Variants in SORBS2 observed in about 807,000 individuals in gnomAD.
SORBS2 encodes the protein sorbin and SH3 domain-containing protein 2.
A neutral mutation model predicts 97.7 loss-of-function variants in SORBS2; 46 were observed. The ratio of observed to expected loss-of-function variants is 0.47; its 90% confidence interval spans 0.37 to 0.60. SORBS2 has a LOEUF of 0.60. SORBS2 is among the 20% of genes least tolerant of loss of function. The pLI, the probability that SORBS2 is intolerant of heterozygous loss-of-function variation, is 0.00. For synonymous variants in SORBS2, 476 were observed against 473.4 expected, an observed-to-expected ratio of 1.01 and a Z score of -0.07; for missense variants, 1,316 against 1,282.3, an observed-to-expected ratio of 1.03 and a Z score of -0.40.
Position 185,919,521 on chromosome 4 carries a change from A to G in SORBS2, c.-338+36675T>C, listed in dbSNP as rs575558065. ...ATTATCTCTTCCCAAGCATTTGATA[A>G]TAATTAAGTGAGGTGATATAAACTG... On this transcript the variant is annotated intron_variant, in intron 1 of 20. Coordinates refer to the SORBS2 transcript ENST00000284776. 291 of 152,336 alleles carry G rather than the reference A, an allele frequency of 1.9e-3. 1 individual carries two copies. Among genetic ancestry groups the G allele is most frequent in the African/African-American group, 6.7e-3 (279 of 41,576 alleles). 9.4% of individuals were successfully genotyped at this position (152,336 alleles called of 1,614,324 possible).
intron 2 of SORBS2, among the ~76,000 whole-genome samples, chr4:185,683,014 C>T (rs1362784642): frequency 1.8e-5 from 2 of 109,452 alleles, no homozygotes; most frequent in African/African-American, 6.8e-5. Context: ...CCACCCGTCT[C>T]AAAAAAAAAA....
intron 2 of SORBS2, among the ~76,000 whole-genome samples, chr4:185,733,023 C>A (rs1003457835): frequency 1.3e-5 from 2 of 152,210 alleles, no homozygotes; most frequent in Non-Finnish European, 2.9e-5. Context: ...GCTGCTGGAG[C>A]CTTCACAGGC....
At chr4:185,753,787 A>G (rs2098814661) in intron 2 of SORBS2, among the ~76,000 whole-genome samples, 2 of 152,190 alleles carry the variant, frequency 1.3e-5, no homozygotes, top group South Asian at 4.1e-4. Flanking sequence ...AATGGATGTG[A>G]GTTTCTAACA....
At chr4:185,594,875 A>G (rs1480643774) in intron 12 of SORBS2, among the ~76,000 whole-genome samples, 1 of 152,202 alleles carries the variant, frequency 6.6e-6, no homozygotes, top group Non-Finnish European at 1.5e-5. Context: ...ACAGGGTAAA[A>G]TCAGAATTTG....
At chr4:185,837,671 A>G (rs2099208898) in intron 1 of SORBS2, among the ~76,000 whole-genome samples, 1 of 152,202 alleles carries the variant, frequency 6.6e-6, no homozygotes, top group Non-Finnish European at 1.5e-5. Context: ...GTCGTTTCAT[A>G]CAAATGTAAC....
At chr4:185,929,861 T>G (rs2099265594) in intron 1 of SORBS2, among the ~76,000 whole-genome samples, 1 of 152,264 alleles carries the variant, frequency 6.6e-6, no homozygotes, top group South Asian at 2.1e-4. Context: ...AGCCTGATTT[T>G]GGGCGTGTGT....
chr4:185,767,374 C>A, intron 2 of SORBS2, among the ~76,000 whole-genome samples: 1 of 140,200 alleles, frequency 7.1e-6, no homozygotes, highest in Non-Finnish European at 1.6e-5. Context: ...GTGGCGGGCG[C>A]CTGTAGTTCC....
chr4:185,690,801 C>T (rs2098078804), intron 2 of SORBS2, among the ~76,000 whole-genome samples, 190 bp from the exon 4 acceptor site: 1 of 152,026 alleles, frequency 6.6e-6, no homozygotes. Context: ...ATTATTGGTC[C>T]CATGCTCATA....
chr4:185,834,236 G>A (rs1261825943), intron 1 of SORBS2, among the ~76,000 whole-genome samples: 1 of 152,056 alleles, frequency 6.6e-6, no homozygotes, highest in Non-Finnish European at 1.5e-5. Flanking sequence ...CACTCATGGT[G>A]GAAGGCAAAG....
In SORBS2 at chr4:185,687,382, C is replaced by A. The variant is rs141133923; in HGVS notation, c.-197-8560G>T. On this transcript the variant is annotated intron_variant, in intron 2 of 20. Transcript: ENST00000284776. ...GAGAGTGGTCATGTACAATCGAATT[C>A]TAAGGTCTGAGAAATTTTTCAGTGT... Among the ~76,000 whole-genome samples, 67 of 152,224 alleles carry A rather than the reference C, an allele frequency of 4.4e-4. 2 individuals carry two copies. Among genetic ancestry groups the A allele is most frequent in the African/African-American group, 1.6e-3 (65 of 41,546 alleles).
chr4:185,800,772 A>C (rs1015287413), intron 1 of SORBS2, among the ~76,000 whole-genome samples: 2 of 152,026 alleles, frequency 1.3e-5, no homozygotes, highest in African/African-American at 4.8e-5. Flanking sequence ...TTTTCTCCCT[A>C]GATGTATTGA....
chr4:185,765,314 T>G (rs2153614391), intron 2 of SORBS2, among the ~76,000 whole-genome samples: 1 of 152,300 alleles, frequency 6.6e-6, no homozygotes, highest in South Asian at 2.1e-4. Flanking sequence ...AATTCTTAAA[T>G]TAATAAGCAC....
chr4:185,764,876 C>T (rs1463392893), intron 2 of SORBS2, among the ~76,000 whole-genome samples: 1 of 152,150 alleles, frequency 6.6e-6, no homozygotes, highest in East Asian at 1.9e-4. Flanking sequence ...GCCTTCCTAC[C>T]TCCAGAGGTA....
intron 2 of SORBS2, among the ~76,000 whole-genome samples, chr4:185,715,030 C>T (rs896374349): frequency 1.3e-5 from 2 of 152,174 alleles, no homozygotes; most frequent in African/African-American, 4.8e-5. Flanking sequence ...AAAAAGAAGA[C>T]CACTTTACCA....
chr4:185,897,176 GC>G (rs1383548530), intron 1 of SORBS2, among the ~76,000 whole-genome samples: 1 of 152,196 alleles, frequency 6.6e-6, no homozygotes, highest in African/African-American at 2.4e-5. Flanking sequence ...CCCAGAGCCA[GC>G]CTTAAAACCT....
intron 1 of SORBS2, among the ~76,000 whole-genome samples, chr4:185,889,636 G>T (rs2099241483): frequency 6.6e-6 from 1 of 151,976 alleles, no homozygotes; most frequent in African/African-American, 2.4e-5. Flanking sequence ...TCTCTCACTT[G>T]GGTACCAAGT....
chr4:185,850,962 C>A (rs1027081112), intron 1 of SORBS2, among the ~76,000 whole-genome samples: 2 of 152,120 alleles, frequency 1.3e-5, no homozygotes, highest in Admixed American at 1.3e-4. Flanking sequence ...ATCTATCTCC[C>A]GCCCTCAGAT....
intron 2 of SORBS2, among the ~76,000 whole-genome samples, chr4:185,754,791 C>T (rs1478630373): frequency 2.6e-5 from 4 of 152,226 alleles, no homozygotes; most frequent in Admixed American, 2.6e-4. Flanking sequence ...TCCTTCACAT[C>T]CCCTGAGTCC....
intron 2 of SORBS2, among the ~76,000 whole-genome samples, chr4:185,734,584 G>C (rs1262998478): frequency 6.6e-6 from 1 of 152,108 alleles, no homozygotes; most frequent in Non-Finnish European, 1.5e-5. Flanking sequence ...GAATGGAAGG[G>C]TGCAGCACAG....
Sources: gnomAD v4.1 joint callset for allele counts (sites outside exome capture counted in the v4.1 genomes callset) on GRCh38, gnomAD v4.1.1 for gene constraint, MANE v1.5 for transcripts, NCBI Gene and HGNC (gene_info 2026-07-23, HGNC 2026-07-21) for gene names.